GRIA2: variants seen among roughly 807,000 people sequenced by gnomAD.
GRIA2 encodes glutamate ionotropic receptor AMPA type subunit 2.
In GRIA2, 14 loss-of-function variants were observed where a neutral mutation model predicts 97.3. That is an observed-to-expected ratio of 0.14 (90% CI 0.10 to 0.23). The LOEUF (loss-of-function observed/expected upper bound fraction) is 0.23. GRIA2 is among the 10% of genes least tolerant of loss of function. GRIA2 has a pLI of 1.00. For missense variants in GRIA2, 558 were observed against 1,069.8 expected, an observed-to-expected ratio of 0.52 and a Z score of 6.67; for synonymous variants, 412 against 387.8, an observed-to-expected ratio of 1.06 and a Z score of -0.73.
intron 7 of GRIA2, 21 bp from the exon 8 acceptor site, chr4:157,333,228 G>C (rs1169529626): frequency 7.3e-7 from 1 of 1,367,046 alleles, no homozygotes; most frequent in South Asian, 1.2e-5. Flanking sequence ...TAACTCTGCT[G>C]CTTTCCCATT....
chr4:157,312,697 C>T lies in GRIA2; in HGVS notation c.488C>T (p.Ala163Val), dbSNP rs769606105. The stretch of plus-strand genomic sequence containing the variant: ...TTCCTAGGCTTATCAACACTGCAAG[C>T]TGTGCTGGATTCTGCTGCTGAAAAG... The part of the protein sequence containing the change: ...DSDRGLSTLQ[A>V]VLDSAAEKKW... The change falls in exon 4 of 16, where the codon GCT becomes GTT. Residue 163 changes from alanine to valine, a missense_variant. Physicochemically the swap from Ala to Val is moderately conservative, Grantham distance 64 (BLOSUM62 0). Around this residue, in one of 8 missense-constraint regions of GRIA2, gnomAD observed 173 missense variants for 209.1 expected, o/e 0.83. Coordinates refer to ENST00000264426, the MANE Select transcript of GRIA2 (RefSeq NM_001083619.3). The T allele has an allele frequency of 6.2e-7, 1 of 1,601,858 alleles. No homozygotes were observed. Among genetic ancestry groups the T allele is most frequent in the South Asian group, 1.1e-5 (1 of 89,430 alleles).
intron 7 of GRIA2, 26 bp from the exon 8 acceptor site, chr4:157,333,223 C>A: frequency 7.6e-7 from 1 of 1,314,736 alleles, no homozygotes; most frequent in Non-Finnish European, 1.1e-6. Context: ...ATATATAACT[C>A]TGCTGCTTTC....
chr4:157,230,429 T>C (rs1180167659), intron 2 of GRIA2, among the ~76,000 whole-genome samples: 3 of 152,144 alleles, frequency 2.0e-5, no homozygotes, highest in African/African-American at 7.2e-5. Context: ...AGGGAAAAAC[T>C]CTAAGAGGCA....
chr4:157,275,176 G>A (rs1308267931), intron 2 of GRIA2, among the ~76,000 whole-genome samples: 1 of 152,138 alleles, frequency 6.6e-6, no homozygotes, highest in Non-Finnish European at 1.5e-5. Flanking sequence ...CTTTTGAGAA[G>A]TGTCTGTTCA....
At chr4:157,317,015 A>G (rs1008663604) in intron 4 of GRIA2, among the ~76,000 whole-genome samples, 3 of 152,308 alleles carry the variant, frequency 2.0e-5, no homozygotes, top group African/African-American at 7.2e-5. Flanking sequence ...CATTCATTTT[A>G]GATTTGGGTT....
At chr4:157,267,249 C>T (rs184707700) in intron 2 of GRIA2, among the ~76,000 whole-genome samples, 2 of 151,716 alleles carry the variant, frequency 1.3e-5, no homozygotes, top group African/African-American at 4.8e-5. Context: ...TATGGTGAAA[C>T]CTCGTCTCTA....
intron 2 of GRIA2, among the ~76,000 whole-genome samples, chr4:157,260,515 G>A (rs970827321): frequency 6.6e-6 from 1 of 151,976 alleles, no homozygotes; most frequent in Non-Finnish European, 1.5e-5. Context: ...CATGAACGAG[G>A]AAGTGAAGAA....
chr4:157,221,571 T>A (rs967443324), intron 1 of GRIA2, 96 bp from the exon 2 acceptor site: 2 of 1,279,518 alleles, frequency 1.6e-6, no homozygotes, highest in Middle Eastern at 4.2e-4. Context: ...TTCGCGTGAA[T>A]AAGAGACTCT....
chr4:157,224,892 C>T (rs1021523670), intron 2 of GRIA2, among the ~76,000 whole-genome samples: 1 of 152,082 alleles, frequency 6.6e-6, no homozygotes, highest in East Asian at 1.9e-4. Flanking sequence ...TATCTAATGA[C>T]ATTATTAGAT....
chr4:157,354,354 A>C (rs1458456721), intron 12 of GRIA2, among the ~76,000 whole-genome samples: 1 of 152,180 alleles, frequency 6.6e-6, no homozygotes, highest in Non-Finnish European at 1.5e-5. Flanking sequence ...TTTATTATTC[A>C]GGCGTGCTTA....
At chr4:157,236,321 T>C (rs765696319) in intron 2 of GRIA2, among the ~76,000 whole-genome samples, 5 of 152,076 alleles carry the variant, frequency 3.3e-5, no homozygotes, top group Non-Finnish European at 7.4e-5. Flanking sequence ...CTCATTTCTA[T>C]GTCTCTGAGA....
chr4:157,348,078 T>C (rs892262398), intron 12 of GRIA2, among the ~76,000 whole-genome samples: 19 of 151,584 alleles, frequency 1.3e-4, no homozygotes, highest in Non-Finnish European at 1.5e-5. Flanking sequence ...ATCACGCCAC[T>C]GCACTCCAGC....
chr4:157,263,192 G>T (rs889638806), intron 2 of GRIA2, among the ~76,000 whole-genome samples: 1 of 151,916 alleles, frequency 6.6e-6, no homozygotes, highest in East Asian at 1.9e-4. Flanking sequence ...TTATACCCTT[G>T]TTTTTTCCAA....
intron 2 of GRIA2, among the ~76,000 whole-genome samples, chr4:157,275,001 CT>C (rs1412591094): frequency 6.6e-6 from 1 of 151,510 alleles, no homozygotes; most frequent in Non-Finnish European, 1.5e-5. Flanking sequence ...AAAAGTGTTC[CT>C]ATTTCTCCAC....
intron 1 of GRIA2, 39 bp from the exon 2 acceptor site, chr4:157,221,628 A>T: frequency 6.2e-7 from 1 of 1,606,318 alleles, no homozygotes; most frequent in Non-Finnish European, 8.5e-7. Context: ...CTCCCGGGGC[A>T]CTGACACTGT....
chr4:157,342,533 G>T, intron 12 of GRIA2: 1 of 690,100 alleles, frequency 1.4e-6, no homozygotes, highest in East Asian at 1.3e-4. Flanking sequence ...CTTTAATGCA[G>T]ATTTTAGAAT....
chr4:157,228,790 CAAA>C (rs5863257), intron 2 of GRIA2, among the ~76,000 whole-genome samples: 3 of 39,760 alleles, frequency 7.5e-5, no homozygotes, highest in Non-Finnish European at 7.8e-5. Flanking sequence ...GATTCCATCT[CAAA>C]AAAAAAAAAA....
intron 2 of GRIA2, among the ~76,000 whole-genome samples, chr4:157,296,432 T>C (rs575006008): frequency 5.7e-4 from 87 of 152,308 alleles, no homozygotes; most frequent in Non-Finnish European, 1.0e-3. Flanking sequence ...AATGATTATA[T>C]AATTGTGAAA....
chr4:157,250,412 G>A (rs1730969595), intron 2 of GRIA2, among the ~76,000 whole-genome samples: 1 of 152,042 alleles, frequency 6.6e-6, no homozygotes, highest in Non-Finnish European at 1.5e-5. Context: ...GCATCCTGGT[G>A]CTAAACATGG....
Sources: gnomAD v4.1 joint callset for allele counts (sites outside exome capture counted in the v4.1 genomes callset) on GRCh38, gnomAD v4.1.1 for gene constraint, gnomAD v4.1.1 regional missense constraint, MANE v1.5 for transcripts, NCBI Gene and HGNC (gene_info 2026-07-23, HGNC 2026-07-21) for gene names.